CDC73: variants seen among roughly 807,000 people sequenced by gnomAD.
CDC73 encodes cell division cycle 73, also known as parafibromin.
Under a neutral mutation model 83.7 loss-of-function variants are expected in CDC73, and 21 were observed. The ratio of observed to expected loss-of-function variants is 0.25; its 90% CI spans 0.18 to 0.36. CDC73 has a LOEUF of 0.36. CDC73 is among the 10% of genes least tolerant of loss of function. The probability of loss-of-function intolerance (pLI) is 1.00; values close to 1 mark genes in which losing one functional copy is unlikely to be tolerated. For missense variants in CDC73, 342 were observed against 653.3 expected (o/e 0.52, Z 5.19); for synonymous variants, 224 against 212.9 (o/e 1.05, Z -0.45).
intron 10 of CDC73, among the ~76,000 whole-genome samples, chr1:193,170,698 T>C (rs1017768938): frequency 6.6e-6 from 1 of 152,234 alleles, no homozygotes; most frequent in African/African-American, 2.4e-5. Context: ...ATGCATAGTT[T>C]GCAAAAATTT....
At chr1:193,155,358 A>G (rs150613677) in intron 10 of CDC73, among the ~76,000 whole-genome samples, 2 of 152,354 alleles carry the variant, frequency 1.3e-5, no homozygotes, top group African/African-American at 4.8e-5. Flanking sequence ...GACTTAGGCC[A>G]TGAAATACGT....
rs1211967086 is a variant in CDC73 at position 193,212,403 on chromosome 1, C to G, written c.1080C>G (p.Pro360=). Residue 360 remains proline (P), a synonymous_variant, in exon 13 of 17, where the codon CCC becomes CCG. Coordinates refer to ENST00000367435, the MANE Select transcript of CDC73 (RefSeq NM_024529.5). ...TTGTCTTTATAGGATCTCGAACACC[C>G]ATTATCATAATTCCTGCAGCTACCA... The part of the protein sequence containing the change: ...PPNQKKGSRT[P]IIIIPAATTS... 1.9e-6 allele frequency: 3 copies of G among 1,601,312 alleles called. No individual in the cohort carries two copies. The highest frequency in any genetic ancestry group is 2.6e-6 in the Non-Finnish European group (3 of 1,171,458).
chr1:193,152,484 A>AT, intron 10 of CDC73, 40 bp downstream of exon 10: 1 of 1,298,470 alleles, frequency 7.7e-7, no homozygotes. Context: ...TGTTCCAGGG[A>AT]TTTTATGTGA....
intron 5 of CDC73, among the ~76,000 whole-genome samples, chr1:193,137,719 A>T (rs1572152170): frequency 6.6e-6 from 1 of 152,232 alleles, no homozygotes; most frequent in Non-Finnish European, 1.5e-5. Flanking sequence ...TACCAAAATG[A>T]AATTGTTGAC....
At chr1:193,243,326 G>A (rs1677895563) in intron 15 of CDC73, among the ~76,000 whole-genome samples, 2 of 151,986 alleles carry the variant, frequency 1.3e-5, no homozygotes, top group Admixed American at 6.5e-5. Flanking sequence ...TAATATGTTG[G>A]TGTAAGTTTG....
chr1:193,191,577 GC>G (rs1676919085), intron 10 of CDC73, among the ~76,000 whole-genome samples: 1 of 151,946 alleles, frequency 6.6e-6, no homozygotes, highest in Non-Finnish European at 1.5e-5. Flanking sequence ...TAGTAGAGTC[GC>G]GGTTTCGTCA....
intron 10 of CDC73, among the ~76,000 whole-genome samples, chr1:193,168,555 T>G (rs1413434485): frequency 6.6e-6 from 1 of 151,588 alleles, no homozygotes; most frequent in African/African-American, 2.4e-5. Context: ...AGACAGAGTC[T>G]CTCTCTGTCA....
At chr1:193,173,441 C>T (rs564437840) in intron 10 of CDC73, among the ~76,000 whole-genome samples, 1 of 152,098 alleles carries the variant, frequency 6.6e-6, no homozygotes, top group African/African-American at 2.4e-5. Flanking sequence ...CACTTTGCCT[C>T]TCTTAAACAT....
intron 10 of CDC73, among the ~76,000 whole-genome samples, chr1:193,184,677 T>A (rs1304333821): frequency 1.3e-5 from 2 of 151,930 alleles, no homozygotes; most frequent in Non-Finnish European, 2.9e-5. Flanking sequence ...TAAAACTGCT[T>A]AATTGGTGAC....
At position 193,236,371 on chromosome 1, in the gene CDC73, G is replaced by A; in HGVS notation, c.1417+15G>A. The A allele has an allele frequency of 2.1e-6, 3 of 1,397,844 alleles. No individual in the cohort carries two copies. Among genetic ancestry groups the A allele is most frequent in the Non-Finnish European group, 3.1e-6 (3 of 982,460 alleles). The allele number at this position is 1,397,844 out of a possible 1,614,324, so 86.6% of individuals were successfully genotyped here. On this transcript the variant is annotated intron_variant, in intron 15 of 16. Transcript: ENST00000367435. ...ATTTGCTAAAAGTAAGATTCTCTTT[G>A]TATTTACTGTATCCAGTATAGAAAT...
At chr1:193,124,850 A>G (rs1425284981) in intron 1 of CDC73, among the ~76,000 whole-genome samples, 2 of 152,214 alleles carry the variant, frequency 1.3e-5, no homozygotes, top group Non-Finnish European at 2.9e-5. Flanking sequence ...CCCAGAGCCT[A>G]ATTTGGGCCT....
chr1:193,219,563 A>G (rs952655432), intron 13 of CDC73, among the ~76,000 whole-genome samples: 31 of 152,200 alleles, frequency 2.0e-4, no homozygotes, highest in Non-Finnish European at 1.2e-4. Context: ...ATGCAGCCAT[A>G]AAAAACAAAA....
rs546963203 is a variant in CDC73 at position 193,124,364 on chromosome 1, T to C, written c.132-748T>C. On this transcript the variant is annotated intron_variant, in intron 1 of 16. Transcript: ENST00000367435. ...TTTATTGGGTTTCATAGTACAATAA[T>C]TGATGGTGTGTGGTTTGAAATACAT... Among the ~76,000 whole-genome samples the C allele has an allele frequency of 7.0e-4, 107 of 152,280 alleles. No homozygotes were observed. The South Asian group carries it at 7.9e-3, about 11-fold the overall frequency.
At chr1:193,243,114 T>G (rs1677890513) in intron 15 of CDC73, among the ~76,000 whole-genome samples, 1 of 152,010 alleles carries the variant, frequency 6.6e-6, no homozygotes, top group Admixed American at 6.6e-5. Context: ...CCTGGCTAAT[T>G]TTTCTATTTG....
intron 13 of CDC73, among the ~76,000 whole-genome samples, chr1:193,213,411 A>G (rs1484958082): frequency 6.6e-6 from 1 of 151,000 alleles, no homozygotes; most frequent in African/African-American, 2.4e-5. Flanking sequence ...ATGGGTAAAT[A>G]TTTTATATAT....
intron 7 of CDC73, 22 bp from the exon 8 acceptor site, chr1:193,147,845 T>C (rs962503851): frequency 5.2e-6 from 7 of 1,338,672 alleles, no homozygotes; most frequent in Admixed American, 1.8e-5. Flanking sequence ...GTGGGCTTAA[T>C]TAAAATCCAT....
At chr1:193,231,195 A>G (rs1677657620) in intron 13 of CDC73, among the ~76,000 whole-genome samples, 1 of 152,228 alleles carries the variant, frequency 6.6e-6, no homozygotes, top group East Asian at 1.9e-4. Context: ...GTAATTTTGT[A>G]CAAGTAAATT....
intron 10 of CDC73, among the ~76,000 whole-genome samples, chr1:193,176,285 A>C (rs1247840748): frequency 1.3e-5 from 2 of 152,148 alleles, no homozygotes; most frequent in Admixed American, 1.3e-4. Flanking sequence ...CCCAGTAATA[A>C]GGCATTTATT....
chr1:193,192,836 G>T (rs765383132), intron 10 of CDC73, among the ~76,000 whole-genome samples: 1 of 152,190 alleles, frequency 6.6e-6, no homozygotes, highest in Non-Finnish European at 1.5e-5. Flanking sequence ...GTCACCCTCC[G>T]CTGGAGAGAG....
Sources: gnomAD v4.1 joint callset for allele counts (sites outside exome capture counted in the v4.1 genomes callset) on GRCh38, gnomAD v4.1.1 for gene constraint, MANE v1.5 for transcripts, NCBI Gene and HGNC (gene_info 2026-07-23, HGNC 2026-07-21) for gene names.